GPHN: variants seen among roughly 807,000 people sequenced by gnomAD.
GPHN encodes gephyrin.
GPHN carries 17 observed loss-of-function variants against 95.5 expected under a neutral mutation model. That is an observed-to-expected ratio of 0.18 (90% confidence interval 0.12 to 0.27). The LOEUF (loss-of-function observed/expected upper bound fraction) is 0.27, where lower values mean the gene tolerates loss of function less well. Among genes scored for constraint, GPHN ranks in the 10% least tolerant of loss-of-function variants. The pLI, the probability that GPHN is intolerant of heterozygous loss-of-function variation, is 1.00. For synonymous variants in GPHN, 320 were observed against 322.5 expected (o/e 0.99, Z 0.08); for missense variants, 660 against 978.1 (o/e 0.67, Z 4.34).
chr14:67,099,491 A>G (rs1025855527), intron 12 of GPHN, among the ~76,000 whole-genome samples: 1 of 152,158 alleles, frequency 6.6e-6, no homozygotes, highest in Non-Finnish European at 1.5e-5. Flanking sequence ...TAACATTACA[A>G]TAAAACTCTT....
the GPHN span, among the ~76,000 whole-genome samples, chr14:67,365,746 G>A: frequency 1.3e-5 from 2 of 152,158 alleles, no homozygotes; most frequent in African/African-American, 4.8e-5. Flanking sequence ...ATGTCCGAAA[G>A]GCTTCATATC....
chr14:67,487,445 T>A, the GPHN span, among the ~76,000 whole-genome samples: 1 of 152,202 alleles, frequency 6.6e-6, no homozygotes, highest in Admixed American at 6.5e-5. Flanking sequence ...CACTTGTGAA[T>A]CTGAGAGGGG....
At chr14:67,609,042 G>A in the GPHN span, among the ~76,000 whole-genome samples, 3 of 152,172 alleles carry the variant, frequency 2.0e-5, no homozygotes, top group Non-Finnish European at 4.4e-5. Flanking sequence ...CCCCTGACTT[G>A]AGACATCAAT....
chr14:67,577,376 T>C, the GPHN span: 1 of 1,591,478 alleles, frequency 6.3e-7, no homozygotes, highest in Non-Finnish European at 8.6e-7. Flanking sequence ...CACCCTGCCC[T>C]CTGAGGCCTT....
chr14:67,033,188 A>G (rs1323750164), intron 10 of GPHN, among the ~76,000 whole-genome samples: 1 of 152,228 alleles, frequency 6.6e-6, no homozygotes, highest in African/African-American at 2.4e-5. Flanking sequence ...GAAGAGATCA[A>G]CAGCAAAATT....
Position 66,933,881 on chromosome 14 carries a change from G to A in GPHN, c.828+9589G>A, listed in dbSNP as rs111947181. The stretch of plus-strand genomic sequence containing the variant: ...GGCCTGGGTGCAGTTTCTCATGCCT[G>A]TAATACCAGCACTTTGGGAGGCTGA... On this transcript the variant is annotated intron_variant, in intron 8 of 22. Transcript: ENST00000478722. Among the ~76,000 whole-genome samples the A allele has an allele frequency of 3.1e-3, 472 of 152,244 alleles. 11 individuals are homozygous for A. The highest frequency in any genetic ancestry group is 0.011 in the African/African-American group (446 of 41,542).
intron 4 of GPHN, among the ~76,000 whole-genome samples, chr14:66,861,279 G>GTCATTATATAATTATA (rs1251036452): frequency 6.6e-6 from 1 of 151,962 alleles, no homozygotes; most frequent in Non-Finnish European, 1.5e-5. Context: ...AAGAGACAAA[G>GTCATTATATAATTATA]TCATTATATA....
chr14:67,255,513 CCTAAATA>C, the GPHN span, among the ~76,000 whole-genome samples: 8 of 152,150 alleles, frequency 5.3e-5, no homozygotes, highest in African/African-American at 1.9e-4. Context: ...TTGAGGAATT[CCTAAATA>C]CTAAAGAGCC....
chr14:66,834,576 G>A (rs2061716538), intron 4 of GPHN, among the ~76,000 whole-genome samples: 2 of 151,014 alleles, frequency 1.3e-5, no homozygotes, highest in African/African-American at 2.4e-5. Flanking sequence ...TGCGTATATT[G>A]AACCAGCCTT....
the GPHN span, among the ~76,000 whole-genome samples, chr14:67,699,701 G>T: frequency 2.5e-3 from 368 of 150,196 alleles, 2 homozygotes; most frequent in Non-Finnish European, 4.0e-3. Context: ...TCAAAACACA[G>T]TAAGTCACAG....
intron 8 of GPHN, among the ~76,000 whole-genome samples, chr14:66,945,031 T>C (rs13379477): frequency 0.23 from 35,540 of 152,060 alleles, 8,208 homozygotes; most frequent in African/African-American, 0.56. Context: ...GGAAAAAAGA[T>C]TTTTAGACTT....
intron 16 of GPHN, among the ~76,000 whole-genome samples, chr14:67,116,891 A>G (rs573245203): frequency 1.1e-4 from 17 of 152,348 alleles, no homozygotes; most frequent in Admixed American, 2.0e-4. Flanking sequence ...ACGATCAGTT[A>G]AACCTTTTTT....
At position 67,124,771 on chromosome 14, in the gene GPHN, G is replaced by T. The variant is rs145595637; in HGVS notation, c.1748+2394G>T. ...TTTTAAATTGTTTTTACCCTAATTT[G>T]TTCTGGACTATAATTCTGCCCATTC... On this transcript the variant is annotated intron_variant, in intron 17 of 22. Coordinates refer to ENST00000478722, the MANE Select transcript of GPHN (RefSeq NM_020806.5). Among the ~76,000 whole-genome samples, 151 of 151,696 alleles carry T rather than the reference G, an allele frequency of 1.0e-3. 2 individuals are homozygous for T. In the East Asian group the frequency reaches 0.025, roughly 25 times the overall value.
At chr14:67,489,907 G>C in the GPHN span, among the ~76,000 whole-genome samples, 2 of 151,900 alleles carry the variant, frequency 1.3e-5, no homozygotes, top group African/African-American at 4.8e-5. Flanking sequence ...GGAGAATGGC[G>C]TGAACCTGGG....
the GPHN span, among the ~76,000 whole-genome samples, chr14:67,319,301 C>G: frequency 1.3e-5 from 2 of 152,106 alleles, no homozygotes; most frequent in African/African-American, 4.8e-5. Flanking sequence ...GAGGACTTGG[C>G]AGGCTACTAG....
At chr14:67,153,895 C>T (rs2081430544) in intron 18 of GPHN, among the ~76,000 whole-genome samples, 1 of 152,200 alleles carries the variant, frequency 6.6e-6, no homozygotes, top group Admixed American at 6.5e-5. Context: ...TGATGATTCT[C>T]AGCCTTTATC....
At chr14:67,127,929 A>G (rs2079433170) in intron 17 of GPHN, among the ~76,000 whole-genome samples, 1 of 152,230 alleles carries the variant, frequency 6.6e-6, no homozygotes, top group African/African-American at 2.4e-5. Context: ...ATGTGTATGT[A>G]AACACAAAAT....
chr14:67,732,871 G>A, the GPHN span, among the ~76,000 whole-genome samples: 5 of 152,094 alleles, frequency 3.3e-5, no homozygotes, highest in East Asian at 1.9e-4. Flanking sequence ...GTGAGCCACC[G>A]TGCCCAGCCG....
chr14:66,996,374 T>A (rs931525621), intron 9 of GPHN, among the ~76,000 whole-genome samples: 7 of 152,206 alleles, frequency 4.6e-5, no homozygotes, highest in Non-Finnish European at 7.3e-5. Context: ...TCACCTGTTT[T>A]AGGGGGAAAT....
Sources: gnomAD v4.1 joint callset for allele counts (sites outside exome capture counted in the v4.1 genomes callset) on GRCh38, gnomAD v4.1.1 for gene constraint, MANE v1.5 for transcripts, NCBI Gene and HGNC (gene_info 2026-07-23, HGNC 2026-07-21) for gene names.